The following IL1RAPL2 variants were observed in gnomAD, a reference collection of about 807,000 sequenced individuals.
IL1RAPL2 encodes X-linked interleukin-1 receptor accessory protein-like 2.
Under a neutral mutation model 44.1 loss-of-function variants are expected in IL1RAPL2, and 3 were observed. That is an observed-to-expected ratio of 0.07 (90% CI 0.03 to 0.18). The LOEUF is 0.18. Among genes scored for constraint, IL1RAPL2 ranks in the 10% least tolerant of loss-of-function variants. IL1RAPL2 has a pLI of 1.00. For synonymous variants in IL1RAPL2, 181 were observed against 178.8 expected (o/e 1.01, Z -0.10); for missense variants, 391 against 496.4 (o/e 0.79, Z 2.02).
chrX:105,291,779 T>G (rs1603050148), intron 5 of IL1RAPL2, among the ~76,000 whole-genome samples: 1 of 111,674 alleles, frequency 9.0e-6, no homozygotes, highest in South Asian at 3.8e-4. Context: ...TCAAAGACCT[T>G]TTCATGGGTT....
At chrX:104,927,376 T>C (rs1924797509) in intron 2 of IL1RAPL2, among the ~76,000 whole-genome samples, 1 of 111,699 alleles carries the variant, frequency 9.0e-6, no homozygotes, top group African/African-American at 3.3e-5. Context: ...CCTTGTATTG[T>C]TGTTTAATTT....
At chrX:104,657,872 A>G (rs1471543752) in intron 1 of IL1RAPL2, among the ~76,000 whole-genome samples, 5 of 112,517 alleles carry the variant, frequency 4.4e-5, no homozygotes, top group East Asian at 2.8e-4. Flanking sequence ...AAAAATGCTC[A>G]TCATCACTGG....
intron 2 of IL1RAPL2, among the ~76,000 whole-genome samples, chrX:104,810,862 A>G (rs1221412691): frequency 8.9e-6 from 1 of 112,605 alleles, no homozygotes; most frequent in Non-Finnish European, 1.9e-5. Flanking sequence ...CTGAGGCTGC[A>G]TAGCAGTTCT....
chrX:104,574,350 C>T (rs1928205153), intron 1 of IL1RAPL2, among the ~76,000 whole-genome samples: 1 of 110,689 alleles, frequency 9.0e-6, no homozygotes, highest in Non-Finnish European at 1.9e-5. Context: ...GAATACCAAA[C>T]TCACTTTGCA....
intron 6 of IL1RAPL2, among the ~76,000 whole-genome samples, chrX:105,614,854 G>A (rs1333954105): frequency 9.0e-6 from 1 of 111,088 alleles, no homozygotes. Flanking sequence ...AAAAAACTTC[G>A]GCACAGCAAA....
At position 104,931,996 on chromosome X, in the gene IL1RAPL2, A is replaced by AT. The variant is rs34874206; in HGVS notation, c.83-263466dup. Among the ~76,000 whole-genome samples, 381 of 84,767 alleles carry AT rather than the reference A, an allele frequency of 4.5e-3. 3 individuals carry two copies. The highest frequency in any genetic ancestry group is 0.016 in the African/African-American group (336 of 21,275). The allele number at this position is 84,767 out of a possible 115,157, so 73.6% of individuals were successfully genotyped here. A position where few individuals can be genotyped will look rare whatever the true frequency, so the allele number is the denominator to read the frequency against. ...TGTGTTTGTATATATATATATATATATTTTTTTTTTTTTGAGACAGAGTTT... is the reference window on the plus strand; with the variant it reads ...TGTGTTTGTATATATATATATATATATTTTTTTTTTTTTTGAGACAGAGTTT... On this transcript the variant is annotated intron_variant, in intron 2 of 10. Coordinates refer to ENST00000372582, the MANE Select transcript of IL1RAPL2 (RefSeq NM_017416.2).
chrX:104,774,301 G>A (rs764819851), intron 2 of IL1RAPL2, among the ~76,000 whole-genome samples: 17 of 111,805 alleles, frequency 1.5e-4, no homozygotes, highest in African/African-American at 5.5e-4. Flanking sequence ...AGTAGGCAGC[G>A]AAGTGGAGAA....
At chrX:105,064,658 TAAAG>T (rs1325059111) in intron 2 of IL1RAPL2, among the ~76,000 whole-genome samples, 17 of 112,556 alleles carry the variant, frequency 1.5e-4, no homozygotes, top group African/African-American at 5.2e-4. Context: ...ACAATAAAGT[TAAAG>T]AAAATATCAT....
intron 6 of IL1RAPL2, among the ~76,000 whole-genome samples, chrX:105,579,407 C>G (rs954771473): frequency 9.0e-6 from 1 of 111,262 alleles, no homozygotes; most frequent in Admixed American, 9.6e-5. Context: ...AACATATTTT[C>G]TTTATATGCA....
At chrX:105,371,789 A>G (rs1220626330) in intron 5 of IL1RAPL2, among the ~76,000 whole-genome samples, 2 of 112,452 alleles carry the variant, frequency 1.8e-5, no homozygotes, top group African/African-American at 6.5e-5. Flanking sequence ...TTGCATGGAA[A>G]GATCCTTCAA....
intron 1 of IL1RAPL2, among the ~76,000 whole-genome samples, chrX:104,638,509 C>G (rs1041970239): frequency 1.8e-5 from 2 of 111,859 alleles, no homozygotes; most frequent in Admixed American, 9.5e-5. Flanking sequence ...CTATAAACTT[C>G]TTAGCATTAC....
At chrX:104,629,240 T>C (rs973391871) in intron 1 of IL1RAPL2, among the ~76,000 whole-genome samples, 1 of 112,257 alleles carries the variant, frequency 8.9e-6, no homozygotes, top group Non-Finnish European at 1.9e-5. Context: ...TAAGATGATA[T>C]CTCATTGTGG....
In IL1RAPL2 at chrX:104,763,815, C is replaced by T. The variant is rs556700524; in HGVS notation, c.82+104820C>T. Among the ~76,000 whole-genome samples the T allele has an allele frequency of 1.9e-4, 21 of 111,211 alleles. No homozygotes were observed. In the South Asian group the frequency reaches 4.7e-3, roughly 25 times the overall value. ...ATTACCTCCCCCTGGGTCCCTCCTCCCATGACACGTGGGGATTATGAGAAC... is the reference window on the plus strand; with the variant it reads ...ATTACCTCCCCCTGGGTCCCTCCTCTCATGACACGTGGGGATTATGAGAAC... On this transcript the variant is annotated intron_variant, in intron 2 of 10. Transcript: ENST00000372582.
intron 2 of IL1RAPL2, among the ~76,000 whole-genome samples, chrX:104,950,943 A>T (rs1484575814): frequency 9.0e-6 from 1 of 111,314 alleles, no homozygotes; most frequent in East Asian, 2.8e-4. Flanking sequence ...CTGATTTTCC[A>T]GGTGCCGTCT....
intron 2 of IL1RAPL2, among the ~76,000 whole-genome samples, chrX:105,041,783 A>G (rs2031744347): frequency 9.1e-6 from 1 of 109,615 alleles, no homozygotes; most frequent in African/African-American, 3.4e-5. Flanking sequence ...ATCCTAAGCC[A>G]AAAGAACAAA....
chrX:105,468,350 G>A (rs1421923856), intron 5 of IL1RAPL2, among the ~76,000 whole-genome samples: 1 of 111,575 alleles, frequency 9.0e-6, no homozygotes, highest in Non-Finnish European at 1.9e-5. Flanking sequence ...AAGGGAGGCT[G>A]GCAAATGTGT....
At chrX:105,534,965 A>G (rs1248461237) in intron 6 of IL1RAPL2, among the ~76,000 whole-genome samples, 1 of 112,069 alleles carries the variant, frequency 8.9e-6, no homozygotes, top group East Asian at 2.8e-4. Flanking sequence ...GGAATAGGCA[A>G]AGAGTTCTTA....
chrX:104,574,206 A>G (rs1157018208), intron 1 of IL1RAPL2, among the ~76,000 whole-genome samples: 1 of 111,428 alleles, frequency 9.0e-6, no homozygotes, highest in Admixed American at 9.6e-5. Context: ...TAATTAAAAA[A>G]CTAGGAAAAA....
intron 2 of IL1RAPL2, among the ~76,000 whole-genome samples, chrX:104,923,103 A>G (rs1451999222): frequency 8.9e-6 from 1 of 112,127 alleles, no homozygotes; most frequent in East Asian, 2.8e-4. Context: ...AGTCAAAAAC[A>G]AAGGAAAAAG....
Sources: allele counts gnomAD v4.1 joint callset (sites outside exome capture counted in the v4.1 genomes callset), GRCh38; gene constraint gnomAD v4.1.1; transcripts MANE v1.5; gene names NCBI Gene and HGNC (gene_info 2026-07-23, HGNC 2026-07-21).